Variants in ITPKC observed in about 807,000 individuals in gnomAD.
ITPKC encodes IP3 3-kinase C.
A neutral mutation model predicts 67.1 loss-of-function variants in ITPKC; 33 were observed. The ratio of observed to expected loss-of-function variants is 0.49; its 90% CI spans 0.37 to 0.66. The LOEUF (loss-of-function observed/expected upper bound fraction) is 0.66, where lower values mean the gene tolerates loss of function less well. ITPKC is among the 30% of genes least tolerant of loss of function. The pLI, the probability that ITPKC is intolerant of heterozygous loss-of-function variation, is 0.00. For missense variants in ITPKC, 820 were observed against 892.1 expected, an observed-to-expected ratio of 0.92 and a Z score of 1.03; for synonymous variants, 341 against 359.8, an observed-to-expected ratio of 0.95 and a Z score of 0.59.
At chr19:40,737,969 C>T (rs903588771) in intron 6 of ITPKC, among the ~76,000 whole-genome samples, 200 bp downstream of exon 6, 3 of 130,034 alleles carry the variant, frequency 2.3e-5, no homozygotes, top group Non-Finnish European at 4.7e-5. Flanking sequence ...CTGGGAAGCA[C>T]AGCAAGACCC....
intron 1 of ITPKC, among the ~76,000 whole-genome samples, chr19:40,720,724 C>T (rs2082218160): frequency 6.6e-6 from 1 of 152,044 alleles, no homozygotes; most frequent in Admixed American, 6.6e-5. Context: ...ACCCCCTCTG[C>T]TGTAACTAGG....
intron 4 of ITPKC, 143 bp downstream of exon 4, chr19:40,733,507 A>C (rs1215864696): frequency 3.0e-5 from 21 of 704,094 alleles, no homozygotes; most frequent in Non-Finnish European, 4.7e-5. Flanking sequence ...CCTCTTTCTT[A>C]CCTCCATACC....
chr19:40,718,356 T>C, intron 1 of ITPKC, 66 bp downstream of exon 1: 12 of 1,472,188 alleles, frequency 8.2e-6, no homozygotes, highest in South Asian at 1.5e-5. Flanking sequence ...CGCCTTTGCT[T>C]AGGAAGTTCT....
intron 3 of ITPKC, among the ~76,000 whole-genome samples, chr19:40,732,940 A>C (rs1234203724): frequency 6.6e-6 from 1 of 152,212 alleles, no homozygotes; most frequent in African/African-American, 2.4e-5. Context: ...TTGTTGACCC[A>C]GCACTGTTTA....
In ITPKC at chr19:40,737,788, A is replaced by C; in HGVS notation, c.1848+19A>C. The C allele has an allele frequency of 6.2e-7, 1 of 1,604,364 alleles. No individual in the cohort carries two copies. The highest frequency in any genetic ancestry group is 8.5e-7 in the Non-Finnish European group (1 of 1,171,212). On this transcript the variant is annotated intron_variant, in intron 6 of 6. Coordinates refer to ENST00000263370, the MANE Select transcript of ITPKC (RefSeq NM_025194.3). ...CCACGAGGTGCGAGCCCTGGCTTCC[A>C]TGGGTGGATGTATGGGTGTCGGGGT...
chr19:40,718,327 G>A, intron 1 of ITPKC, 37 bp downstream of exon 1: 4 of 1,489,210 alleles, frequency 2.7e-6, no homozygotes, highest in African/African-American at 1.4e-5. Flanking sequence ...GCCACATCAC[G>A]CAAAACTCCT....
rs1378777444 is a variant in ITPKC, at chr19:40,729,342, A to AC, written c.1398dup (p.Phe467LeufsTer10). On this transcript the variant is annotated frameshift_variant, in exon 3 of 7. Transcript: ENST00000263370. LOFTEE classifies it high-confidence loss of function. Reference sequence around the variant, plus strand: ...TGGCATGGTGCTGCAGGATGGCCAGACCTTCAACCAGATGGAAGACCTCCT... The same window carrying AC: ...TGGCATGGTGCTGCAGGATGGCCAGACCCTTCAACCAGATGGAAGACCTCCT... 6.2e-7 allele frequency: 1 copy of AC among 1,614,150 alleles called. No individual in the cohort carries two copies. Among genetic ancestry groups the AC allele is most frequent in the Non-Finnish European group, 8.5e-7 (1 of 1,180,024 alleles).
intron 4 of ITPKC, among the ~76,000 whole-genome samples, chr19:40,733,655 G>A (rs924941872): frequency 1.3e-5 from 2 of 152,088 alleles, no homozygotes; most frequent in Non-Finnish European, 2.9e-5. Flanking sequence ...TCCTGGCCCT[G>A]GTCTCCCTGC....
At chr19:40,735,984 C>G (rs757530003) in intron 4 of ITPKC, among the ~76,000 whole-genome samples, 4 of 152,190 alleles carry the variant, frequency 2.6e-5, no homozygotes, top group Non-Finnish European at 5.9e-5. Flanking sequence ...TGACTTAAGA[C>G]TGCCCAGCTA....
At chr19:40,735,981 A>C (rs1489487347) in intron 4 of ITPKC, among the ~76,000 whole-genome samples, 1 of 152,210 alleles carries the variant, frequency 6.6e-6, no homozygotes, top group Non-Finnish European at 1.5e-5. Context: ...AAATGACTTA[A>C]GACTGCCCAG....
In ITPKC at chr19:40,733,160, G is replaced by A. The variant is rs771471538; in HGVS notation, c.1470G>A (p.Arg490=). The change falls in exon 4 of 7, where the codon AGG becomes AGA. Residue 490 remains arginine, a splice_region_variant and synonymous_variant. Transcript: ENST00000263370. The part of the protein sequence containing the change: ...PSIMDCKMGS[R]TYLEEELVKA... ...TTTGTCACATCCTCTGTGTGCTCAG[G>A]ACCTATCTGGAAGAGGAGCTAGTGA... 6.2e-7 allele frequency: 1 copy of A among 1,613,984 alleles called. No homozygotes were observed. Among genetic ancestry groups the A allele is most frequent in the South Asian group, 1.1e-5 (1 of 91,060 alleles).
chr19:40,724,964 G>A (rs755635), intron 1 of ITPKC, among the ~76,000 whole-genome samples: 99,474 of 138,360 alleles, frequency 0.72, 34,124 homozygotes, highest in Admixed American at 0.74. Flanking sequence ...AAAAAAAAAA[G>A]AAGATTTGGA....
At position 40,718,211 on chromosome 19, in the gene ITPKC, C is replaced by T. The variant is rs773278220; in HGVS notation, c.1076C>T (p.Ser359Phe). The change falls in exon 1 of 7, where the codon TCT (serine) becomes TTT (phenylalanine). Residue 359 changes from serine (S) to phenylalanine (F), a missense_variant. Transcript: ENST00000263370. ...GAGGGGGGCAGCGGCGGCTTCTCCT[C>T]TGCCTCTTCTTTCGACGAGTCTGAG... Reference protein sequence around the residue: ...RVEGGSGGFSSASSFDESEDD... With the variant: ...RVEGGSGGFSFASSFDESEDD... 1 of 1,551,154 alleles carries T rather than the reference C, an allele frequency of 6.4e-7. No homozygotes were observed. Among genetic ancestry groups the T allele is most frequent in the Non-Finnish European group, 8.7e-7 (1 of 1,154,678 alleles).
chr19:40,735,341 ATTTTTTT>A (rs112089538), intron 4 of ITPKC, among the ~76,000 whole-genome samples: 1 of 139,974 alleles, frequency 7.1e-6, no homozygotes, highest in African/African-American at 2.6e-5. Flanking sequence ...ATGCTCTTCT[ATTTTTTT>A]TTTTTTTGAG....
At chr19:40,738,992 G>A (rs1192635385) in intron 6 of ITPKC, among the ~76,000 whole-genome samples, 2 of 152,154 alleles carry the variant, frequency 1.3e-5, no homozygotes, top group South Asian at 2.1e-4. Context: ...GGGATGGCAC[G>A]AGATTTCATC....
chr19:40,729,854 G>A (rs1391532061), intron 3 of ITPKC, among the ~76,000 whole-genome samples: 2 of 152,182 alleles, frequency 1.3e-5, no homozygotes, highest in Non-Finnish European at 2.9e-5. Context: ...CACCATGTAT[G>A]AGTGTTACAG....
chr19:40,733,762 T>C (rs1052050678), intron 4 of ITPKC, among the ~76,000 whole-genome samples: 1 of 152,126 alleles, frequency 6.6e-6, no homozygotes, highest in Admixed American at 6.5e-5. Context: ...TAAATATAAT[T>C]GTATGAATAG....
At chr19:40,729,718 G>A (rs2082262136) in intron 3 of ITPKC, among the ~76,000 whole-genome samples, 1 of 152,074 alleles carries the variant, frequency 6.6e-6, no homozygotes, top group African/African-American at 2.4e-5. Flanking sequence ...GGTGAGCTGA[G>A]ATTGAGCCAT....
intron 1 of ITPKC, among the ~76,000 whole-genome samples, chr19:40,722,351 C>G (rs1378319320): frequency 6.6e-6 from 1 of 151,970 alleles, no homozygotes; most frequent in Non-Finnish European, 1.5e-5. Context: ...CACACTGAGT[C>G]TTTGTCATTG....
Sources: allele counts gnomAD v4.1 joint callset (sites outside exome capture counted in the v4.1 genomes callset), GRCh38; gene constraint gnomAD v4.1.1; transcripts MANE v1.5; gene names NCBI Gene and HGNC (gene_info 2026-07-23, HGNC 2026-07-21).